The following CHN1 variants were observed in gnomAD, a reference collection of about 807,000 sequenced individuals.
The protein encoded by CHN1 is chimerin 1, also known as N-chimaerin.
CHN1 carries 37 observed loss-of-function variants against 59.5 expected under a neutral mutation model. The ratio of observed to expected loss-of-function variants is 0.62; its 90% CI spans 0.48 to 0.82. The LOEUF (loss-of-function observed/expected upper bound fraction) is 0.82, where lower values mean the gene tolerates loss of function less well. CHN1 is among the 40% of genes least tolerant of loss of function. The probability of loss-of-function intolerance (pLI) is 0.00; values close to 1 mark genes in which losing one functional copy is unlikely to be tolerated. For missense variants in CHN1, 469 were observed against 571.0 expected (o/e 0.82, Z 1.82); for synonymous variants, 206 against 200.4 (o/e 1.03, Z -0.24).
At chr2:174,811,649 C>T (rs1685078127) in intron 9 of CHN1, 61 bp from the exon 10 acceptor site, 1 of 1,027,362 alleles carries the variant, frequency 9.7e-7, no homozygotes. Flanking sequence ...TTTAACTCCT[C>T]ACACTTTAAG....
At chr2:174,838,603 T>C (rs1323507884) in intron 7 of CHN1, among the ~76,000 whole-genome samples, 1 of 151,240 alleles carries the variant, frequency 6.6e-6, no homozygotes, top group African/African-American at 2.4e-5. Flanking sequence ...AAGGGGTGAG[T>C]GAATATAAGA....
intron 3 of CHN1, among the ~76,000 whole-genome samples, chr2:174,921,693 GGGAAGCAAACA>G (rs932292789): frequency 1.3e-5 from 2 of 152,008 alleles, no homozygotes; most frequent in African/African-American, 4.8e-5. Flanking sequence ...ATGGCAGAAG[GGGAAGCAAACA>G]GGTCCTTCTT....
chr2:174,957,302 T>C (rs1426622147), intron 1 of CHN1, among the ~76,000 whole-genome samples: 1 of 152,140 alleles, frequency 6.6e-6, no homozygotes, highest in Non-Finnish European at 1.5e-5. Context: ...AAAGAGGACT[T>C]GTTTACAGCG....
At chr2:174,835,875 G>C (rs1191999330) in intron 7 of CHN1, among the ~76,000 whole-genome samples, 8 of 152,068 alleles carry the variant, frequency 5.3e-5, no homozygotes, top group Non-Finnish European at 4.4e-5. Flanking sequence ...GTTTCTACTA[G>C]TGGGCAGAAT....
intron 3 of CHN1, among the ~76,000 whole-genome samples, chr2:174,937,761 T>G (rs1267028553): frequency 6.6e-6 from 1 of 152,008 alleles, no homozygotes; most frequent in Non-Finnish European, 1.5e-5. Flanking sequence ...GAAATCTGAT[T>G]GCTAAAAAGC....
chr2:174,889,548 A>C (rs1687987359), intron 5 of CHN1, among the ~76,000 whole-genome samples: 1 of 152,164 alleles, frequency 6.6e-6, no homozygotes, highest in Non-Finnish European at 1.5e-5. Flanking sequence ...TAAAAAAGAA[A>C]CCAATAAATT....
intron 3 of CHN1, among the ~76,000 whole-genome samples, chr2:174,922,014 G>T (rs757351295): frequency 6.6e-6 from 1 of 152,042 alleles, no homozygotes; most frequent in Non-Finnish European, 1.5e-5. Flanking sequence ...TTATCTTCCC[G>T]AGGTAAGTTC....
At chr2:174,949,426 C>T (rs1266985809) in intron 2 of CHN1, among the ~76,000 whole-genome samples, 1 of 152,100 alleles carries the variant, frequency 6.6e-6, no homozygotes, top group Admixed American at 6.5e-5. Context: ...CCAAGTAATC[C>T]TCCCACCTCC....
intron 11 of CHN1, chr2:174,802,047 C>A: frequency 2.6e-6 from 1 of 381,396 alleles, no homozygotes; most frequent in South Asian, 2.5e-5. Context: ...GAGGGAACAT[C>A]CAGTTTTGTC....
At chr2:174,942,486 G>A (rs1689695047) in intron 3 of CHN1, among the ~76,000 whole-genome samples, 1 of 152,132 alleles carries the variant, frequency 6.6e-6, no homozygotes, top group Non-Finnish European at 1.5e-5. Flanking sequence ...GAGCAAGACA[G>A]TGGTATCTAG....
intron 3 of CHN1, among the ~76,000 whole-genome samples, chr2:174,933,280 T>C (rs1689404641): frequency 6.6e-6 from 1 of 151,986 alleles, no homozygotes; most frequent in Non-Finnish European, 1.5e-5. Context: ...CATAATAAAG[T>C]AAATATAGGT....
At chr2:174,916,513 CA>C (rs1176217319) in intron 4 of CHN1, among the ~76,000 whole-genome samples, 1 of 152,056 alleles carries the variant, frequency 6.6e-6, no homozygotes, top group Non-Finnish European at 1.5e-5. Context: ...ACTAAAGAAA[CA>C]ATAGTCACTT....
chr2:175,003,287 T>C (rs1440601220), intron 1 of CHN1, among the ~76,000 whole-genome samples: 1 of 152,226 alleles, frequency 6.6e-6, no homozygotes, highest in African/African-American at 2.4e-5. Flanking sequence ...AAGTAGACTT[T>C]AAAATTTTAA....
chr2:174,944,059 T>C (rs879708777), intron 3 of CHN1, among the ~76,000 whole-genome samples: 3 of 152,252 alleles, frequency 2.0e-5, no homozygotes, highest in Non-Finnish European at 2.9e-5. Flanking sequence ...TATCAGTACA[T>C]AGAAATCTTC....
chr2:175,004,933 C>A lies in CHN1; in HGVS notation c.-21G>T. On this transcript the variant is annotated 5_prime_UTR_variant, in exon 1 of 13. Transcript: ENST00000409900. ...GCCATTGTAAAGGCGCTCGCCGCCGCCCGCGAGTCCAGGCGCTCCTCCCAG... is the reference window on the plus strand; with the variant it reads ...GCCATTGTAAAGGCGCTCGCCGCCGACCGCGAGTCCAGGCGCTCCTCCCAG... 6 of 1,531,342 alleles carry A rather than the reference C, an allele frequency of 3.9e-6. 1 individual carries two copies. In the South Asian group the frequency reaches 7.3e-5, roughly 19 times the overall value. 94.9% of individuals were successfully genotyped at this position (1,531,342 alleles called of 1,614,324 possible).
At chr2:174,835,473 C>G (rs1032690651) in intron 7 of CHN1, among the ~76,000 whole-genome samples, 11 of 151,928 alleles carry the variant, frequency 7.2e-5, no homozygotes, top group African/African-American at 2.7e-4. Context: ...TAAATAATTG[C>G]TCTGTCTCCT....
intron 1 of CHN1, among the ~76,000 whole-genome samples, chr2:174,961,416 A>AC (rs1370016798): frequency 6.6e-6 from 1 of 151,340 alleles, no homozygotes; most frequent in Non-Finnish European, 1.5e-5. Flanking sequence ...ACATGGAGAA[A>AC]CCCCGTCTCT....
intron 5 of CHN1, among the ~76,000 whole-genome samples, chr2:174,904,080 T>G (rs541344996): frequency 4.6e-5 from 7 of 151,686 alleles, no homozygotes; most frequent in Non-Finnish European, 8.8e-5. Flanking sequence ...CTGACCAACA[T>G]GGAGAAACCC....
At chr2:174,859,908 A>T (rs1367999074) in intron 6 of CHN1, among the ~76,000 whole-genome samples, 1 of 152,196 alleles carries the variant, frequency 6.6e-6, no homozygotes, top group Non-Finnish European at 1.5e-5. Flanking sequence ...ATTGGTTTAC[A>T]ACATACAGAG....
Sources: gnomAD v4.1 joint callset for allele counts (sites outside exome capture counted in the v4.1 genomes callset) on GRCh38, gnomAD v4.1.1 for gene constraint, MANE v1.5 for transcripts, NCBI Gene and HGNC (gene_info 2026-07-23, HGNC 2026-07-21) for gene names.